Variants in EXOC1 observed in about 807,000 individuals in gnomAD.
EXOC1 encodes exocyst complex component 1.
Under a neutral mutation model 107.7 loss-of-function variants are expected in EXOC1, and 67 were observed. The ratio of observed to expected loss-of-function variants is 0.62; its 90% CI spans 0.51 to 0.76. The LOEUF is 0.76. Ranked by LOEUF, EXOC1 falls within the 30% of genes least tolerant of loss-of-function variation. The pLI is 0.00. For missense variants in EXOC1, 833 were observed against 1,055.7 expected, an observed-to-expected ratio of 0.79 and a Z score of 2.92; for synonymous variants, 348 against 353.5, an observed-to-expected ratio of 0.98 and a Z score of 0.17.
At chr4:55,895,241 C>G (rs902834416) in intron 15 of EXOC1, among the ~76,000 whole-genome samples, 1 of 152,052 alleles carries the variant, frequency 6.6e-6, no homozygotes, top group Non-Finnish European at 1.5e-5. Context: ...TACTGTGTAC[C>G]AGGCACAAGT....
chr4:55,875,988 T>A, intron 8 of EXOC1: 1 of 964,990 alleles, frequency 1.0e-6, no homozygotes, highest in Non-Finnish European at 1.2e-6. Context: ...GGCTAGTATC[T>A]AATACATGTG....
chr4:55,861,226 G>A (rs758885012), intron 3 of EXOC1, among the ~76,000 whole-genome samples: 1 of 151,960 alleles, frequency 6.6e-6, no homozygotes, highest in Non-Finnish European at 1.5e-5. Flanking sequence ...CTCTCACTCT[G>A]CCCTTCATCT....
intron 8 of EXOC1, chr4:55,875,338 G>A (rs943829731): frequency 2.1e-5 from 12 of 583,944 alleles, no homozygotes; most frequent in South Asian, 1.5e-4. Flanking sequence ...ATTTTTGTGA[G>A]GTTTGTTGGA....
chr4:55,867,599 A>C (rs1420862357), intron 4 of EXOC1, among the ~76,000 whole-genome samples: 1 of 152,030 alleles, frequency 6.6e-6, no homozygotes, highest in Non-Finnish European at 1.5e-5. Context: ...AACATCTAGA[A>C]AGCATTTCAG....
chr4:55,888,738 T>A (rs1171242721), intron 10 of EXOC1, 150 bp from the exon 11 acceptor site: 1 of 684,656 alleles, frequency 1.5e-6, no homozygotes, highest in East Asian at 2.8e-5. Flanking sequence ...CAACTAAACA[T>A]GTGTTTGCAC....
chr4:55,899,650 G>T, intron 16 of EXOC1, 35 bp from the exon 17 acceptor site: 1 of 1,568,284 alleles, frequency 6.4e-7, no homozygotes, highest in South Asian at 1.2e-5. Context: ...GTCATACTCA[G>T]AGATGTTATT....
In EXOC1 at chr4:55,893,782, T is replaced by TC; in HGVS notation, c.1953+2_1953+3insC. 1 of 1,607,478 alleles carries TC rather than the reference T, an allele frequency of 6.2e-7. No individual in the cohort carries two copies. Among genetic ancestry groups the TC allele is most frequent in the African/African-American group, 1.3e-5 (1 of 74,600 alleles). ...AAAAGGAACTTTGACAAATGCATTG[T>TC]AAGTTTTCTTTTTTAAAAAAATACC... On this transcript the variant is annotated splice_region_variant and intron_variant, in intron 15 of 18. Transcript: ENST00000381295.
At chr4:55,890,810 A>G (rs1278322995) in intron 12 of EXOC1, among the ~76,000 whole-genome samples, 2 of 152,112 alleles carry the variant, frequency 1.3e-5, no homozygotes, top group Non-Finnish European at 2.9e-5. Context: ...GCTCACTGCA[A>G]CCTCCACCTT....
At chr4:55,887,305 TC>T (rs1207115759) in intron 10 of EXOC1, among the ~76,000 whole-genome samples, 3 of 152,142 alleles carry the variant, frequency 2.0e-5, no homozygotes. Flanking sequence ...CCTTGTTGAT[TC>T]CAAAGAGTCG....
chr4:55,904,275 T>C (rs1035388792), intron 18 of EXOC1, 68 bp from the exon 19 acceptor site: 2 of 1,415,980 alleles, frequency 1.4e-6, no homozygotes, highest in Admixed American at 4.7e-5. Context: ...TGCCTTGGCA[T>C]TATTTCTGCA....
chr4:55,896,218 T>C (rs1331150894), intron 15 of EXOC1, among the ~76,000 whole-genome samples: 1 of 152,176 alleles, frequency 6.6e-6, no homozygotes, highest in Non-Finnish European at 1.5e-5. Context: ...GGCGCAATCT[T>C]GGCTCACTGC....
intron 16 of EXOC1, among the ~76,000 whole-genome samples, chr4:55,897,656 C>G (rs1368606211): frequency 6.6e-6 from 1 of 152,106 alleles, no homozygotes; most frequent in African/African-American, 2.4e-5. Context: ...CCAATTGTTG[C>G]CCAGGTTGGA....
At chr4:55,858,774 C>G (rs1478675337) in intron 2 of EXOC1, among the ~76,000 whole-genome samples, 1 of 152,108 alleles carries the variant, frequency 6.6e-6, no homozygotes, top group Non-Finnish European at 1.5e-5. Context: ...TGTTGCTTGT[C>G]CTTTTACTGA....
chr4:55,882,288 G>T (rs1723471158), intron 9 of EXOC1, among the ~76,000 whole-genome samples: 1 of 152,034 alleles, frequency 6.6e-6, no homozygotes, highest in Non-Finnish European at 1.5e-5. Flanking sequence ...CTACAGGCAT[G>T]TGCCACCGCT....
chr4:55,890,020 T>C (rs1443154432), intron 11 of EXOC1, among the ~76,000 whole-genome samples: 2 of 152,278 alleles, frequency 1.3e-5, no homozygotes, highest in East Asian at 3.9e-4. Context: ...TCGCTTCTTT[T>C]TTCAATATGC....
chr4:55,870,950 T>C (rs1258361021), intron 6 of EXOC1, 45 bp downstream of exon 6: 2 of 1,564,802 alleles, frequency 1.3e-6, no homozygotes. Flanking sequence ...CTAGTGATGA[T>C]ATATAAAACC....
At position 55,878,064 on chromosome 4, in the gene EXOC1, A is replaced by G. The variant is rs750564791; in HGVS notation, c.1222A>G (p.Lys408Glu). Residue 408 changes from lysine to glutamate, a missense_variant and splice_region_variant, in exon 9 of 19, where the codon AAG (lysine) becomes GAG (glutamate). This residue lies in a region of EXOC1 where 617 missense variants were observed against 701.3 expected (regional missense o/e 0.88). Transcript: ENST00000381295. The stretch of plus-strand genomic sequence containing the variant: ...TTATGGAAAATATGAAGGACTAACA[A>G]AGGTATGGATTTGACGTCATTTACT... ...TDYGKYEGLT[K>E]NYMDYLSRLY... 8 of 1,612,850 alleles carry G rather than the reference A, an allele frequency of 5.0e-6. No individual in the cohort carries two copies. The highest frequency in any genetic ancestry group is 6.8e-6 in the Non-Finnish European group (8 of 1,179,444).
rs531394415 is a variant in EXOC1, at chr4:55,856,866, A to G, written c.-10-1448A>G. Among the ~76,000 whole-genome samples, 141 of 152,266 alleles carry G rather than the reference A, an allele frequency of 9.3e-4. 2 individuals are homozygous for G. The South Asian group carries it at 0.011, about 12-fold the overall frequency. On this transcript the variant is annotated intron_variant, in intron 1 of 18. Transcript: ENST00000381295. ...TTTACCCTTTTCAATTGTATAATTGAGTGATTTTTGGCATATTCACAAGGT... is the reference window on the plus strand; with the variant it reads ...TTTACCCTTTTCAATTGTATAATTGGGTGATTTTTGGCATATTCACAAGGT...
At chr4:55,876,108 T>G in intron 8 of EXOC1, 4 of 985,070 alleles carry the variant, frequency 4.1e-6, no homozygotes, top group Non-Finnish European at 4.8e-6. Flanking sequence ...AGTCCAATGG[T>G]AATGCCTGTG....
Sources: allele counts gnomAD v4.1 joint callset (sites outside exome capture counted in the v4.1 genomes callset), GRCh38; gene constraint gnomAD v4.1.1; regional missense constraint gnomAD v4.1.1; transcripts MANE v1.5; gene names NCBI Gene and HGNC (gene_info 2026-07-23, HGNC 2026-07-21).